Variants in CHRM3 observed in about 807,000 individuals in gnomAD.
CHRM3 encodes muscarinic acetylcholine receptor M3.
CHRM3 carries 11 observed loss-of-function variants against 41.8 expected under a neutral mutation model. That is an observed-to-expected ratio of 0.26 (90% CI 0.17 to 0.44). The LOEUF (loss-of-function observed/expected upper bound fraction) is 0.44, where lower values mean the gene tolerates loss of function less well. CHRM3 is among the 20% of genes least tolerant of loss of function. CHRM3 has a pLI of 1.00. For missense variants in CHRM3, 571 were observed against 745.4 expected, an observed-to-expected ratio of 0.77 and a Z score of 2.72; for synonymous variants, 297 against 301.4, an observed-to-expected ratio of 0.99 and a Z score of 0.15.
At chr1:239,601,573 A>T (rs910294338) in intron 3 of CHRM3, among the ~76,000 whole-genome samples, 1 of 152,172 alleles carries the variant, frequency 6.6e-6, no homozygotes, top group Non-Finnish European at 1.5e-5. Flanking sequence ...ATGGGTACCA[A>T]CAGTGTAGCA....
At chr1:239,800,441 C>T (rs1285986319) in intron 5 of CHRM3, among the ~76,000 whole-genome samples, 14 of 152,196 alleles carry the variant, frequency 9.2e-5, no homozygotes, top group Admixed American at 9.2e-4. Context: ...GCTGATTTCC[C>T]CACTTTATTT....
chr1:239,569,003 C>A (rs1661601219), intron 3 of CHRM3, among the ~76,000 whole-genome samples: 1 of 151,816 alleles, frequency 6.6e-6, no homozygotes, highest in African/African-American at 2.4e-5. Context: ...TTTTTTCCCA[C>A]TTTCTGCCCT....
intron 5 of CHRM3, among the ~76,000 whole-genome samples, chr1:239,685,841 A>C: frequency 6.6e-6 from 1 of 152,188 alleles, no homozygotes; most frequent in East Asian, 1.9e-4. Flanking sequence ...AAACAAACAA[A>C]AAATAAGAAC....
At chr1:239,620,234 T>C (rs565304280) in intron 3 of CHRM3, among the ~76,000 whole-genome samples, 15 of 152,322 alleles carry the variant, frequency 9.8e-5, no homozygotes, top group African/African-American at 3.6e-4. Context: ...ATTCTCTTTG[T>C]GAATAATAGT....
chr1:239,616,916 A>G (rs972831600), intron 3 of CHRM3, among the ~76,000 whole-genome samples: 2 of 147,204 alleles, frequency 1.4e-5, no homozygotes, highest in Admixed American at 6.7e-5. Context: ...AGAAAGATAC[A>G]TTTACTTTTA....
intron 5 of CHRM3, among the ~76,000 whole-genome samples, chr1:239,786,583 C>A (rs186215084): frequency 6.6e-6 from 1 of 152,242 alleles, no homozygotes; most frequent in Admixed American, 6.5e-5. Context: ...CTGAGATGAG[C>A]CTTACCTAAG....
chr1:239,729,508 A>C (rs979540284), intron 5 of CHRM3, among the ~76,000 whole-genome samples: 39 of 151,994 alleles, frequency 2.6e-4, no homozygotes, highest in African/African-American at 9.2e-4. Flanking sequence ...CTACAAGGAA[A>C]ACAGTTGACA....
chr1:239,441,358 G>T (rs779425825), intron 1 of CHRM3, among the ~76,000 whole-genome samples: 2 of 152,160 alleles, frequency 1.3e-5, no homozygotes, highest in Non-Finnish European at 2.9e-5. Flanking sequence ...TTAGACTATT[G>T]TACCTTTCAT....
At chr1:239,527,798 G>C (rs1383510508) in intron 2 of CHRM3, among the ~76,000 whole-genome samples, 3 of 152,024 alleles carry the variant, frequency 2.0e-5, no homozygotes, top group African/African-American at 7.2e-5. Context: ...TATCTCAGAG[G>C]CTTATGAGAA....
intron 1 of CHRM3, among the ~76,000 whole-genome samples, chr1:239,436,666 A>C (rs906221899): frequency 1.3e-5 from 2 of 152,062 alleles, no homozygotes; most frequent in African/African-American, 2.4e-5. Flanking sequence ...AATCATGCTC[A>C]GTTACTTTTT....
intron 5 of CHRM3, among the ~76,000 whole-genome samples, chr1:239,770,889 C>G (rs1018309938): frequency 6.6e-6 from 1 of 152,032 alleles, no homozygotes; most frequent in African/African-American, 2.4e-5. Flanking sequence ...GAGTTTGAGA[C>G]CAGCCTGATC....
At chr1:239,709,399 G>A (rs1002485227) in intron 5 of CHRM3, among the ~76,000 whole-genome samples, 1 of 152,142 alleles carries the variant, frequency 6.6e-6, no homozygotes, top group East Asian at 1.9e-4. Flanking sequence ...ATCACTCATT[G>A]TACCCACCTA....
At chr1:239,404,400 G>GAA (rs1390911524) in intron 1 of CHRM3, among the ~76,000 whole-genome samples, 83 of 58,924 alleles carry the variant, frequency 1.4e-3, no homozygotes, top group Middle Eastern at 7.5e-3. Context: ...AAGAAAGAAA[G>GAA]AAAGAAAGAA....
intron 5 of CHRM3, among the ~76,000 whole-genome samples, chr1:239,808,931 TA>T (rs1201829107): frequency 6.6e-6 from 1 of 152,092 alleles, no homozygotes; most frequent in Admixed American, 6.5e-5. Flanking sequence ...CACTGCATGT[TA>T]CTTTTTACAA....
chr1:239,758,932 G>T (rs973016026), intron 5 of CHRM3, among the ~76,000 whole-genome samples: 2 of 152,140 alleles, frequency 1.3e-5, no homozygotes, highest in South Asian at 2.1e-4. Context: ...GTTGTCTGAG[G>T]CCTCCTGCCA....
intron 1 of CHRM3, among the ~76,000 whole-genome samples, chr1:239,488,841 G>C (rs1439325459): frequency 6.8e-6 from 1 of 146,542 alleles, no homozygotes; most frequent in East Asian, 2.1e-4. Context: ...CTGTACTTAA[G>C]TTACAATTTC....
intron 5 of CHRM3, among the ~76,000 whole-genome samples, chr1:239,796,243 C>G (rs547688309): frequency 6.6e-6 from 1 of 151,788 alleles, no homozygotes; most frequent in African/African-American, 2.4e-5. Flanking sequence ...CCCGTCTTTT[C>G]CATTAGAGCT....
At chr1:239,512,601 C>A (rs1185345747) in intron 2 of CHRM3, among the ~76,000 whole-genome samples, 1 of 152,048 alleles carries the variant, frequency 6.6e-6, no homozygotes, top group African/African-American at 2.4e-5. Flanking sequence ...TTCCTTGTAC[C>A]CTTTCTTCTT....
At chr1:239,455,927 T>G (rs1664897545) in intron 1 of CHRM3, among the ~76,000 whole-genome samples, 1 of 152,138 alleles carries the variant, frequency 6.6e-6, no homozygotes, top group African/African-American at 2.4e-5. Context: ...ATGACAAGCA[T>G]TGACAAGGAA....
Sources: allele counts gnomAD v4.1 joint callset (sites outside exome capture counted in the v4.1 genomes callset), GRCh38; gene constraint gnomAD v4.1.1; transcripts MANE v1.5; gene names NCBI Gene and HGNC (gene_info 2026-07-23, HGNC 2026-07-21).